Variants in TFEC observed in about 807,000 individuals in gnomAD.
TFEC encodes the protein class E basic helix-loop-helix protein 34.
Under a neutral mutation model 41.6 loss-of-function variants are expected in TFEC, and 31 were observed. The ratio of observed to expected loss-of-function variants is 0.74; its 90% CI spans 0.56 to 1.01. The LOEUF is 1.01. Ranked by LOEUF, TFEC falls within the 50% of genes least tolerant of loss-of-function variation. The pLI is 0.00. For missense variants in TFEC, 402 were observed against 404.1 expected, an observed-to-expected ratio of 0.99 and a Z score of 0.04; for synonymous variants, 143 against 140.6, an observed-to-expected ratio of 1.02 and a Z score of -0.12.
At chr7:115,955,781 G>A (rs1029937267) in intron 4 of TFEC, among the ~76,000 whole-genome samples, 7 of 151,904 alleles carry the variant, frequency 4.6e-5, no homozygotes, top group African/African-American at 1.7e-4. Flanking sequence ...AAGTTAATAA[G>A]ATAATACATT....
At chr7:116,074,439 G>A (rs1378938715) in intron 3 of TFEC, among the ~76,000 whole-genome samples, 1 of 152,006 alleles carries the variant, frequency 6.6e-6, no homozygotes, top group African/African-American at 2.4e-5. Flanking sequence ...CATTAAAAAT[G>A]GGCAAAGGAT....
intron 3 of TFEC, among the ~76,000 whole-genome samples, chr7:116,101,973 C>A (rs1402304992): frequency 6.6e-6 from 1 of 152,130 alleles, no homozygotes; most frequent in Non-Finnish European, 1.5e-5. Flanking sequence ...TTTCTATAGT[C>A]TTTTAATCTT....
intron 3 of TFEC, among the ~76,000 whole-genome samples, chr7:116,092,499 T>C (rs575882447): frequency 6.6e-6 from 1 of 152,314 alleles, no homozygotes; most frequent in Admixed American, 6.5e-5. Flanking sequence ...TATTTTAGTA[T>C]TTTACATTTC....
intron 3 of TFEC, among the ~76,000 whole-genome samples, chr7:115,972,934 T>C (rs1242624862): frequency 6.6e-6 from 1 of 152,036 alleles, no homozygotes; most frequent in Non-Finnish European, 1.5e-5. Flanking sequence ...AAGTTGAATA[T>C]TGCTTAAGAA....
upstream of TFEC, among the ~76,000 whole-genome samples, chr7:116,033,874 A>G (rs953485723): frequency 6.6e-6 from 1 of 152,122 alleles, no homozygotes; most frequent in African/African-American, 2.4e-5. Flanking sequence ...GAAAAACTCA[A>G]AAGAGCTATC....
At position 115,974,259 on chromosome 7, in the gene TFEC, A is replaced by G. The variant is rs771584141; in HGVS notation, c.181-3T>C. On this transcript the variant is annotated splice_region_variant and splice_polypyrimidine_tract_variant and intron_variant, in intron 2 of 7. Transcript: ENST00000265440. ...ATATCCTCAATAACGTCCTCCATCT[A>G]GCAAAATATAATACATTTAGAATAT... 2 of 1,582,818 alleles carry G rather than the reference A, an allele frequency of 1.3e-6. No homozygotes were observed. The highest frequency in any genetic ancestry group is 2.3e-5 in the South Asian group (2 of 85,512).
chr7:116,130,201 T>C (rs1798304663), intron 1 of TFEC, among the ~76,000 whole-genome samples: 1 of 152,178 alleles, frequency 6.6e-6, no homozygotes, highest in African/African-American at 2.4e-5. Context: ...TTTCCTATAT[T>C]CTCACTAACA....
intron 1 of TFEC, among the ~76,000 whole-genome samples, chr7:115,986,116 T>A (rs1793843786): frequency 6.6e-6 from 1 of 152,302 alleles, no homozygotes; most frequent in Admixed American, 6.5e-5. Flanking sequence ...TTGTGTTATA[T>A]CAAGAATACA....
chr7:116,125,481 C>A (rs1236906432), intron 1 of TFEC, among the ~76,000 whole-genome samples: 1 of 152,122 alleles, frequency 6.6e-6, no homozygotes, highest in African/African-American at 2.4e-5. Flanking sequence ...AATTTTTGAG[C>A]AGCTAAGACC....
In TFEC at chr7:115,974,195, T is replaced by G; in HGVS notation, c.242A>C (p.Asp81Ala). ...MESSFKEEGADSPLLMQRTLS... is the reference protein window; with the variant it reads ...MESSFKEEGAASPLLMQRTLS... ...TGTTCTTTGCATTAGCAGAGGAGAG[T>G]CTGCTCCTTCCTCTTTAAAACTTGA... Residue 81 changes from aspartate to alanine, a missense_variant, in exon 3 of 8, where the codon GAC (aspartate) becomes GCC (alanine). Transcript: ENST00000265440. The G allele has an allele frequency of 6.3e-7, 1 of 1,595,256 alleles. No homozygotes were observed.
At chr7:116,113,253 T>A (rs183926135) in intron 1 of TFEC, among the ~76,000 whole-genome samples, 75 of 152,050 alleles carry the variant, frequency 4.9e-4, no homozygotes, top group African/African-American at 1.7e-3. Context: ...AAGGTACACA[T>A]TAAGATGAAG....
At position 115,937,274 on chromosome 7, in the gene TFEC, T is replaced by G. The variant is rs1046080403; in HGVS notation, c.*3277A>C. ...AAGGGATAATTGTATATTAATTGAA[T>G]GAATAAATCAATAATTATGCATTAA... is the stretch of plus-strand genomic sequence containing the variant. On this transcript the variant is annotated 3_prime_UTR_variant, in exon 8 of 8. Coordinates refer to ENST00000265440, the MANE Select transcript of TFEC (RefSeq NM_012252.4). 6.6e-6 allele frequency: 1 copy of G among 151,764 alleles called. No individual in the cohort carries two copies. Among genetic ancestry groups the G allele is most frequent in the African/African-American group, 2.4e-5 (1 of 41,408 alleles). The allele number at this position is 151,764 out of a possible 1,614,324, so 9.4% of individuals were successfully genotyped here. A position where few individuals can be genotyped will look rare whatever the true frequency, so the allele number is the denominator to read the frequency against.
intron 3 of TFEC, among the ~76,000 whole-genome samples, chr7:116,058,574 A>G (rs1360914606): frequency 6.6e-6 from 1 of 151,732 alleles, no homozygotes; most frequent in Non-Finnish European, 1.5e-5. Context: ...ACTTCACCCA[A>G]CAACAACAAA....
chr7:115,957,708 T>C (rs57773070), intron 3 of TFEC, among the ~76,000 whole-genome samples: 2,199 of 151,984 alleles, frequency 0.014, 53 homozygotes, highest in African/African-American at 0.05. Flanking sequence ...AAGAGCTGAA[T>C]AAGAAGCAAT....
chr7:116,092,524 T>C (rs915009182), intron 3 of TFEC, among the ~76,000 whole-genome samples: 3 of 152,206 alleles, frequency 2.0e-5, no homozygotes, highest in Non-Finnish European at 2.9e-5. Context: ...GAAGTATTTT[T>C]GTTCCATTAT....
At chr7:115,965,705 A>G (rs1407880189) in intron 3 of TFEC, among the ~76,000 whole-genome samples, 1 of 151,704 alleles carries the variant, frequency 6.6e-6, no homozygotes, top group Non-Finnish European at 1.5e-5. Context: ...GCTCTATAAG[A>G]AAATAATATC....
intron 6 of TFEC, among the ~76,000 whole-genome samples, chr7:115,943,233 G>T (rs992689522): frequency 1.3e-5 from 2 of 151,900 alleles, no homozygotes; most frequent in South Asian, 4.1e-4. Context: ...GGGGGTGAGG[G>T]GAATGAGTGG....
intron 2 of TFEC, chr7:116,110,988 C>G: frequency 1.2e-6 from 1 of 850,194 alleles, no homozygotes; most frequent in Non-Finnish European, 1.7e-6. Flanking sequence ...TATTTTATCA[C>G]CTGAGACTAC....
chr7:116,008,701 G>A (rs1303140766), intron 1 of TFEC, among the ~76,000 whole-genome samples: 2 of 152,142 alleles, frequency 1.3e-5, no homozygotes, highest in Non-Finnish European at 2.9e-5. Context: ...GCAGTCTGTG[G>A]ATATGATATA....
Sources: allele counts gnomAD v4.1 joint callset (sites outside exome capture counted in the v4.1 genomes callset), GRCh38; gene constraint gnomAD v4.1.1; transcripts MANE v1.5; gene names NCBI Gene and HGNC (gene_info 2026-07-23, HGNC 2026-07-21).